The following LPIN2 variants were observed in gnomAD, a reference collection of about 807,000 sequenced individuals.
LPIN2 encodes lipin 2.
In LPIN2, 55 loss-of-function variants were observed where a neutral mutation model predicts 111.4. The ratio of observed to expected loss-of-function variants is 0.49; its 90% CI spans 0.40 to 0.62. The LOEUF (loss-of-function observed/expected upper bound fraction) is 0.62, where lower values mean the gene tolerates loss of function less well. Ranked by LOEUF, LPIN2 falls within the 20% of genes least tolerant of loss-of-function variation. The pLI, the probability that LPIN2 is intolerant of heterozygous loss-of-function variation, is 0.00. For synonymous variants in LPIN2, 425 were observed against 414.0 expected (o/e 1.03, Z -0.32); for missense variants, 992 against 1,112.1 (o/e 0.89, Z 1.54).
chr18:2,934,517 G>A (rs1226194871), intron 7 of LPIN2, 67 bp from the exon 8 acceptor site: 13 of 984,398 alleles, frequency 1.3e-5, no homozygotes, highest in East Asian at 7.4e-5. Flanking sequence ...CAAAACACAC[G>A]CACGTTTGCA....
At chr18:2,949,461 C>T (rs545293375) in intron 4 of LPIN2, among the ~76,000 whole-genome samples, 1 of 152,274 alleles carries the variant, frequency 6.6e-6, no homozygotes, top group South Asian at 2.1e-4. Flanking sequence ...TCCACTATTG[C>T]TTTCCATCTT....
At chr18:2,947,177 C>A (rs1432430248) in intron 4 of LPIN2, among the ~76,000 whole-genome samples, 3 of 152,186 alleles carry the variant, frequency 2.0e-5, no homozygotes, top group Non-Finnish European at 4.4e-5. Flanking sequence ...AGTTGAGACT[C>A]CTTTCTGATG....
intron 4 of LPIN2, among the ~76,000 whole-genome samples, chr18:2,941,392 T>TG (rs1445979291): frequency 6.6e-6 from 1 of 152,186 alleles, no homozygotes; most frequent in South Asian, 2.1e-4. Context: ...AAAAGGACCT[T>TG]GGGTAGGGGG....
intron 11 of LPIN2, among the ~76,000 whole-genome samples, 196 bp from the exon 12 acceptor site, chr18:2,928,007 G>A (rs1568520202): frequency 6.6e-6 from 1 of 152,226 alleles, no homozygotes; most frequent in Non-Finnish European, 1.5e-5. Context: ...TGGCAGCACA[G>A]CTCTGTGGCA....
At position 2,917,492 on chromosome 18, in the gene LPIN2, A is replaced by T. The variant is rs940826941; in HGVS notation, c.*2801T>A. The T allele has an allele frequency of 6.6e-6, 1 of 152,246 alleles. No individual in the cohort carries two copies. The highest frequency in any genetic ancestry group is 6.5e-5 in the Admixed American group (1 of 15,286). The allele number at this position is 152,246 out of a possible 1,614,324, so 9.4% of individuals were successfully genotyped here. On this transcript the variant is annotated 3_prime_UTR_variant, in exon 20 of 20. Coordinates refer to ENST00000677752, the MANE Select transcript of LPIN2 (RefSeq NM_001375808.2). ...GGCTGTGTGCAGGCCCCACAGTTGC[A>T]GGGGCTGTTCCGGGCCAGCGCTTCC...
At chr18:2,956,997 G>A (rs1251154647) in intron 2 of LPIN2, among the ~76,000 whole-genome samples, 1 of 152,146 alleles carries the variant, frequency 6.6e-6, no homozygotes, top group Non-Finnish European at 1.5e-5. Flanking sequence ...TCCCACCAAC[G>A]TGATTATTTT....
At chr18:2,934,582 A>C in intron 7 of LPIN2, 132 bp from the exon 8 acceptor site, 1 of 684,066 alleles carries the variant, frequency 1.5e-6, no homozygotes, top group East Asian at 2.9e-5. Context: ...AAAGGTGTCA[A>C]CCAGCCTTTT....
intron 1 of LPIN2, among the ~76,000 whole-genome samples, chr18:2,988,012 CAAAAAAA>C (rs761121515): frequency 4.9e-4 from 16 of 32,348 alleles, no homozygotes; most frequent in East Asian, 2.4e-3. Flanking sequence ...GAGACTGTCT[CAAAAAAA>C]AAAAAAAAAA....
At chr18:2,974,634 C>T (rs2077979652) in intron 1 of LPIN2, among the ~76,000 whole-genome samples, 1 of 152,076 alleles carries the variant, frequency 6.6e-6, no homozygotes, top group Non-Finnish European at 1.5e-5. Context: ...ATTATTCTTC[C>T]TAATGTTAGT....
At chr18:2,945,071 TGCAGA>T (rs1213455946) in intron 4 of LPIN2, among the ~76,000 whole-genome samples, 1 of 152,162 alleles carries the variant, frequency 6.6e-6, no homozygotes, top group African/African-American at 2.4e-5. Flanking sequence ...TAGAAAAAAC[TGCAGA>T]GCTTCATCTC....
intron 4 of LPIN2, among the ~76,000 whole-genome samples, chr18:2,941,564 T>G (rs1247294698): frequency 6.6e-6 from 1 of 152,204 alleles, no homozygotes; most frequent in African/African-American, 2.4e-5. Flanking sequence ...TCCTGTCTAC[T>G]TCAGAGTCAA....
At chr18:2,988,538 G>GT (rs1288311135) in intron 1 of LPIN2, among the ~76,000 whole-genome samples, 1 of 152,210 alleles carries the variant, frequency 6.6e-6, no homozygotes, top group African/African-American at 2.4e-5. Context: ...AGCTTTATAT[G>GT]TAAGTTATAT....
Position 2,954,528 on chromosome 18 carries a change from A to G in LPIN2, c.264T>C (p.Phe88=). ...MKLGDNGEAF[F]VEETEEEYEK... is the part of the protein sequence containing the mutation. ...CATATTCTTCTTCAGTCTCCTCAAC[A>G]AAGAAAGCTTCTCCGTTATCACCCA... The change falls in exon 3 of 20, where the codon TTT becomes TTC. Residue 88 remains phenylalanine, a synonymous_variant. Transcript: ENST00000677752. 1 of 1,613,906 alleles carries G rather than the reference A, an allele frequency of 6.2e-7. No homozygotes were observed. Among genetic ancestry groups the G allele is most frequent in the Non-Finnish European group, 8.5e-7 (1 of 1,179,734 alleles).
At position 2,951,166 on chromosome 18, in the gene LPIN2, T is replaced by C. The variant is rs771956605; in HGVS notation, c.479A>G (p.Lys160Arg). ...CTTCTTACTGTCCTGTTTGTATTTC[T>C]TTCTCCTTCGTTTTTTCTTTTTCAC... ...SSVKKKKRRR[K>R]KYKQDSKKEE... Residue 160 changes from lysine (K) to arginine (R), a missense_variant, in exon 4 of 20, where the codon AAG becomes AGG. Physicochemically the swap from Lys to Arg is conservative, Grantham distance 26. Transcript: ENST00000677752. The C allele has an allele frequency of 6.2e-7, 1 of 1,614,222 alleles. No individual in the cohort carries two copies. Among genetic ancestry groups the C allele is most frequent in the South Asian group, 1.1e-5 (1 of 91,086 alleles).
intron 1 of LPIN2, among the ~76,000 whole-genome samples, chr18:3,006,798 CTG>C (rs1567867491): frequency 8.6e-5 from 13 of 151,058 alleles, no homozygotes; most frequent in African/African-American, 2.9e-4. Context: ...GATCGCGCCG[CTG>C]CACTCCAGCC....
intron 16 of LPIN2, among the ~76,000 whole-genome samples, chr18:2,922,436 G>A (rs946425273): frequency 1.7e-4 from 26 of 151,810 alleles, no homozygotes; most frequent in African/African-American, 5.1e-4. Context: ...CACCATGCCC[G>A]GCTTAATTTT....
In LPIN2 at chr18:2,937,862, C is replaced by T. The variant is rs775829546; in HGVS notation, c.998G>A (p.Gly333Asp). The T allele has an allele frequency of 1.2e-6, 2 of 1,614,078 alleles. No homozygotes were observed. The highest frequency in any genetic ancestry group is 1.7e-6 in the Non-Finnish European group (2 of 1,180,022). The stretch of plus-strand genomic sequence containing the variant: ...AGATGTTGGGTCGCTCATCTGTGTA[C>T]CCAGGGCTCTGGGTTTGGGCTTCAC... ...TIVKPKPRAL[G>D]TQMSDPTSVA... The change falls in exon 7 of 20, where the codon GGT becomes GAT. Residue 333 changes from glycine to aspartate, a missense_variant. Coordinates refer to ENST00000677752, the MANE Select transcript of LPIN2 (RefSeq NM_001375808.2).
At position 2,925,275 on chromosome 18, in the gene LPIN2, G is replaced by A. The variant is rs141252313; in HGVS notation, c.1887C>T (p.His629=). The change falls in exon 14 of 20, where the codon CAC becomes CAT. Residue 629 remains histidine (H), a synonymous_variant. Transcript: ENST00000677752. This position sits in a 1 kb window ranked among gnomAD's most constrained non-coding sequence, Gnocchi z 4.1. The stretch of plus-strand genomic sequence containing the variant: ...ACTTCTTATATGAAGTTGTGCTGCC[G>A]TGGCTCAGGGGCTCTGTGGGGATGG... The part of the protein sequence containing the change: ...VDPIPTEPLS[H]GSTTSYKKSL... 2.2e-5 allele frequency: 35 copies of A among 1,614,056 alleles called. No individual in the cohort carries two copies. The highest frequency in any genetic ancestry group is 3.3e-4 in the Middle Eastern group (2 of 6,082).
chr18:2,920,004 GGAAGGAGGCCCCA>G lies in LPIN2; in HGVS notation c.*276_*288del, dbSNP rs2077028557. ...TTTTCTTCCTTTAAAATGATGCAAT[GGAAGGAGGCCCCA>G]GCTCACAGCAGGAAACATGTGTGCG... On this transcript the variant is annotated 3_prime_UTR_variant, in exon 20 of 20. Coordinates refer to ENST00000677752, the MANE Select transcript of LPIN2 (RefSeq NM_001375808.2). 1.5e-5 allele frequency: 8 copies of G among 518,468 alleles called. No homozygotes were observed. In the East Asian group the frequency reaches 2.8e-4, roughly 18 times the overall value. 32.1% of individuals were successfully genotyped at this position (518,468 alleles called of 1,614,324 possible).
Sources: allele counts gnomAD v4.1 joint callset (sites outside exome capture counted in the v4.1 genomes callset), GRCh38; gene constraint gnomAD v4.1.1; non-coding constraint Gnocchi (gnomAD v3.1); transcripts MANE v1.5; gene names NCBI Gene and HGNC (gene_info 2026-07-23, HGNC 2026-07-21).